The following MTCP1 variants were observed in gnomAD, a reference collection of about 807,000 sequenced individuals.
MTCP1 encodes protein p13 MTCP-1.
MTCP1 carries 2 observed loss-of-function variants against 10.6 expected under a neutral mutation model. The observed-to-expected ratio is 0.19, with a 90% CI of 0.08 to 0.59. MTCP1 has a LOEUF of 0.59. Ranked by LOEUF, MTCP1 falls within the 20% of genes least tolerant of loss-of-function variation. The pLI, the probability that MTCP1 is intolerant of heterozygous loss-of-function variation, is 0.90. For missense variants in MTCP1, 33 were observed against 91.5 expected (o/e 0.36, Z 2.61); for synonymous variants, 29 against 34.4 (o/e 0.84, Z 0.55).
rs1229661017 is a variant in MTCP1, at chrX:155,066,911, G to A, written c.-47-854C>T. Among the ~76,000 whole-genome samples the A allele has an allele frequency of 1.4e-4, 16 of 112,033 alleles. No homozygotes were observed. In the Admixed American group the frequency reaches 1.5e-3, roughly 11 times the overall value. ...GCATACCTCCCAAAGCATTTGAGTG[G>A]TAGGGCAAACTCTATAACGATCCTC... On this transcript the variant is annotated intron_variant, in intron 1 of 4. Coordinates refer to ENST00000369476, the MANE Select transcript of MTCP1 (RefSeq NM_001018025.4).
chrX:155,067,265 A>T (rs1557292089), intron 1 of MTCP1, among the ~76,000 whole-genome samples: 1 of 111,873 alleles, frequency 8.9e-6, no homozygotes, highest in East Asian at 2.8e-4. Flanking sequence ...GTTTTCATAC[A>T]TATGTGCTCT....
intron 1 of MTCP1, among the ~76,000 whole-genome samples, chrX:155,069,073 T>C (rs1036783240): frequency 8.9e-6 from 1 of 112,725 alleles, no homozygotes; most frequent in Non-Finnish European, 1.9e-5. Context: ...AGTAAGGCAT[T>C]TTGTAAATTA....
chrX:155,066,098 G>T, intron 1 of MTCP1, 41 bp from the exon 2 acceptor site: 1 of 723,246 alleles, frequency 1.4e-6, no homozygotes, highest in Non-Finnish European at 2.1e-6. Context: ...GACTTTTTGG[G>T]TTTGAATGAA....
At chrX:155,067,887 T>C (rs2073954969) in intron 1 of MTCP1, among the ~76,000 whole-genome samples, 1 of 112,177 alleles carries the variant, frequency 8.9e-6, no homozygotes, top group Admixed American at 9.4e-5. Flanking sequence ...GGGTAGAGAT[T>C]GATTCTCTAG....
At chrX:155,067,738 G>C (rs1377950016) in intron 1 of MTCP1, among the ~76,000 whole-genome samples, 1 of 112,473 alleles carries the variant, frequency 8.9e-6, no homozygotes, top group Non-Finnish European at 1.9e-5. Context: ...CTCAATAGCA[G>C]GAATGATACA....
At chrX:155,067,811 T>C (rs782503897) in intron 1 of MTCP1, among the ~76,000 whole-genome samples, 1 of 112,121 alleles carries the variant, frequency 8.9e-6, no homozygotes, top group East Asian at 2.8e-4. Flanking sequence ...GGTGTATATG[T>C]ATGGTGGGTA....
Position 155,065,728 on chromosome X carries a change from C to T in MTCP1, c.167G>A (p.Arg56Lys), listed in dbSNP as rs2073945884. ...CTGGGAGGTAAGAAGGTGACTTGGC[C>T]TAGCTGCGTCACCTAAGGGAACCTG... ...QIQVPLGDAA[R>K]PSHLLTSQLP... The change falls in exon 3 of 5, where the codon AGG (arginine) becomes AAG (lysine). Residue 56 changes from arginine (R) to lysine (K), a missense_variant. By Grantham distance (26) the Arg-to-Lys change is conservative. Transcript: ENST00000369476. 1 of 1,211,165 alleles carries T rather than the reference C, an allele frequency of 8.3e-7. No homozygotes were observed. Among genetic ancestry groups the T allele is most frequent in the South Asian group, 1.8e-5 (1 of 56,967 alleles).
intron 1 of MTCP1, 133 bp downstream of exon 1, chrX:155,070,561 G>A (rs1476494735): frequency 8.9e-6 from 1 of 112,330 alleles, no homozygotes; most frequent in Non-Finnish European, 1.9e-5. Flanking sequence ...AAAAACTGAA[G>A]TTCTCCATTT....
intron 1 of MTCP1, among the ~76,000 whole-genome samples, chrX:155,069,388 G>C (rs1442972626): frequency 8.9e-6 from 1 of 112,348 alleles, no homozygotes; most frequent in Non-Finnish European, 1.9e-5. Context: ...ACAAGTTAAC[G>C]TCTCTCCACC....
In MTCP1 at chrX:155,065,808, C is replaced by A; in HGVS notation, c.106-19G>T. On this transcript the variant is annotated intron_variant, in intron 2 of 4. Transcript: ENST00000369476. ...TCGTCTCCTAATGGAAAGGAATGAT[C>A]AAAAATAAAACCAAAGACTTCAGAA... 8.3e-7 allele frequency: 1 copy of A among 1,206,250 alleles called. No individual in the cohort carries two copies. Among genetic ancestry groups the A allele is most frequent in the South Asian group, 1.8e-5 (1 of 56,349 alleles).
chrX:155,066,029 A>G lies in MTCP1; in HGVS notation c.-19T>C, dbSNP rs1557291997. Reference sequence around the variant, plus strand: ...CTGCCATTCTGGGCTTTGGGTTCCAATTCTAGCCCTGCTTTTCTCCACCTA... The same window carrying G: ...CTGCCATTCTGGGCTTTGGGTTCCAGTTCTAGCCCTGCTTTTCTCCACCTA... On this transcript the variant is annotated 5_prime_UTR_variant, in exon 2 of 5. Coordinates refer to ENST00000369476, the MANE Select transcript of MTCP1 (RefSeq NM_001018025.4). The G allele has an allele frequency of 8.6e-7, 1 of 1,159,928 alleles. No homozygotes were observed. The highest frequency in any genetic ancestry group is 3.0e-5 in the East Asian group (1 of 33,650).
At chrX:155,067,310 C>T (rs1365503404) in intron 1 of MTCP1, among the ~76,000 whole-genome samples, 1 of 111,911 alleles carries the variant, frequency 8.9e-6, no homozygotes, top group Non-Finnish European at 1.9e-5. Flanking sequence ...TCTCTTTAAC[C>T]AAATCCTGAT....
chrX:155,068,190 A>T (rs1332263087), intron 1 of MTCP1, among the ~76,000 whole-genome samples: 1 of 112,503 alleles, frequency 8.9e-6, no homozygotes, highest in African/African-American at 3.2e-5. Context: ...TTGACATTTA[A>T]ATTTGTTTTG....
intron 1 of MTCP1, among the ~76,000 whole-genome samples, chrX:155,066,305 G>T (rs1385781117): frequency 1.8e-5 from 2 of 112,656 alleles, no homozygotes; most frequent in Non-Finnish European, 3.7e-5. Flanking sequence ...GAGGAGTTCT[G>T]TGGAAATGTA....
chrX:155,068,599 C>A (rs2073957832), intron 1 of MTCP1, among the ~76,000 whole-genome samples: 1 of 112,349 alleles, frequency 8.9e-6, no homozygotes, highest in African/African-American at 3.2e-5. Flanking sequence ...TATACAATCA[C>A]AGGTTTTATG....
chrX:155,069,756 C>T (rs1424105195), intron 1 of MTCP1, among the ~76,000 whole-genome samples: 1 of 111,983 alleles, frequency 8.9e-6, no homozygotes, highest in Non-Finnish European at 1.9e-5. Flanking sequence ...CTGTAAAAGG[C>T]AGCCATGAGC....
intron 1 of MTCP1, among the ~76,000 whole-genome samples, chrX:155,067,885 A>G (rs1261123262): frequency 8.9e-6 from 1 of 112,040 alleles, no homozygotes; most frequent in Non-Finnish European, 1.9e-5. Context: ...GTGGGTAGAG[A>G]TTGATTCTCT....
intron 1 of MTCP1, among the ~76,000 whole-genome samples, chrX:155,066,367 AAG>A (rs2073948303): frequency 8.9e-6 from 1 of 112,331 alleles, no homozygotes; most frequent in Non-Finnish European, 1.9e-5. Flanking sequence ...CTGCATTCAC[AAG>A]CAGTGTCTGG....
chrX:155,067,611 G>A (rs782004994), intron 1 of MTCP1, among the ~76,000 whole-genome samples: 38 of 112,247 alleles, frequency 3.4e-4, no homozygotes, highest in Non-Finnish European at 6.0e-4. Flanking sequence ...GAAAACTTTA[G>A]AAAATTCTTG....
Sources: allele counts gnomAD v4.1 joint callset (sites outside exome capture counted in the v4.1 genomes callset), GRCh38; gene constraint gnomAD v4.1.1; transcripts MANE v1.5; gene names NCBI Gene and HGNC (gene_info 2026-07-23, HGNC 2026-07-21).